The following NECAB3 variants were observed in gnomAD, a reference collection of about 807,000 sequenced individuals.
The protein encoded by NECAB3 is N-terminal EF-hand calcium binding protein 3, also known as N-terminal EF-hand calcium-binding protein 3.
In NECAB3, 38 loss-of-function variants were observed where a neutral mutation model predicts 57.2. That is an observed-to-expected ratio of 0.66 (90% CI 0.51 to 0.87). The LOEUF (loss-of-function observed/expected upper bound fraction) is 0.87, where lower values mean the gene tolerates loss of function less well. Ranked by LOEUF, NECAB3 falls within the 40% of genes least tolerant of loss-of-function variation. The pLI is 0.00. For synonymous variants in NECAB3, 223 were observed against 222.6 expected (o/e 1.00, Z -0.02); for missense variants, 474 against 527.5 (o/e 0.90, Z 0.99).
At position 33,657,444 on chromosome 20, in the gene NECAB3, A is replaced by G. The variant is rs59663712; in HGVS notation, c.*385T>C. The G allele has an allele frequency of 3.9e-3, 916 of 237,832 alleles. 10 individuals carry two copies. Among genetic ancestry groups the G allele is most frequent in the African/African-American group, 0.019 (833 of 44,994 alleles). The allele number at this position is 237,832 out of a possible 1,614,324, so 14.7% of individuals were successfully genotyped here. A position where few individuals can be genotyped will look rare whatever the true frequency, so the allele number is the denominator to read the frequency against. On this transcript the variant is annotated 3_prime_UTR_variant, in exon 12 of 12. Transcript: ENST00000246190. ...CTGCCGCTGGCTGAGGAGGAGCAGA[A>G]GCCTGGTCCCAAGACAGCAGGAAGA...
chr20:33,669,429 A>G lies in NECAB3; in HGVS notation c.333T>C (p.Ala111=), dbSNP rs1436876944. 6.2e-7 allele frequency: 1 copy of G among 1,613,762 alleles called. No homozygotes were observed. Among genetic ancestry groups the G allele is most frequent in the Admixed American group, 1.7e-5 (1 of 60,024 alleles). The part of the protein sequence containing the change: ...EHLGVYRPVL[A]ALESLNRAVL... ...CTGCACGGTTCAGCGATTCCAATGC[A>G]GCCAGCACCGGCCGGTAGACACCCA... is the stretch of plus-strand genomic sequence containing the variant. The change falls in exon 5 of 12, where the codon GCT becomes GCC. Residue 111 remains alanine, a synonymous_variant. Transcript: ENST00000246190.
chr20:33,664,022 C>T (rs1675193501), intron 5 of NECAB3: 4 of 619,722 alleles, frequency 6.5e-6, no homozygotes, highest in Non-Finnish European at 2.6e-6. Context: ...AGAGCCATCG[C>T]CACGGTCTGG....
At chr20:33,673,814 C>T (rs2017885909) in intron 1 of NECAB3, among the ~76,000 whole-genome samples, 1 of 152,148 alleles carries the variant, frequency 6.6e-6, no homozygotes. Context: ...CTGTAGGACT[C>T]TGCTGCCCTG....
At chr20:33,665,596 A>C (rs2017621997) in intron 5 of NECAB3, 1 of 152,342 alleles carries the variant, frequency 6.6e-6, no homozygotes, top group Admixed American at 6.5e-5. Flanking sequence ...CCTTTCAATA[A>C]AGTCCTTATT....
At chr20:33,668,302 T>C (rs1049660672) in intron 5 of NECAB3, 85 of 1,521,276 alleles carry the variant, frequency 5.6e-5, no homozygotes, top group Non-Finnish European at 7.2e-5. Context: ...AGTCAAGTGT[T>C]TGGAGCTGGC....
At chr20:33,665,761 G>A (rs1231754390) in intron 5 of NECAB3, 1 of 152,256 alleles carries the variant, frequency 6.6e-6, no homozygotes, top group East Asian at 1.9e-4. Context: ...ATCAAGACTT[G>A]CTTAGGACTG....
intron 2 of NECAB3, among the ~76,000 whole-genome samples, chr20:33,671,393 G>A (rs1387695890): frequency 6.6e-6 from 1 of 152,138 alleles, no homozygotes; most frequent in Non-Finnish European, 1.5e-5. Context: ...GCAGATGGGT[G>A]CGGGGAGCTG....
chr20:33,658,994 G>A (rs555439910), intron 8 of NECAB3, among the ~76,000 whole-genome samples, 160 bp from the exon 9 acceptor site: 5 of 152,154 alleles, frequency 3.3e-5, no homozygotes, highest in African/African-American at 7.2e-5. Flanking sequence ...GTGGGATCAC[G>A]GCTTACTGCA....
At position 33,662,229 on chromosome 20, in the gene NECAB3, C is replaced by T. The variant is rs560348217; in HGVS notation, c.388-1834G>A. ...AGATTCACCTGTGGGCCCTGGAAGG[C>T]GGTGCTCAGAGCCTGCAATTGGTGA... On this transcript the variant is annotated intron_variant, in intron 5 of 11. Coordinates refer to ENST00000246190, the MANE Select transcript of NECAB3 (RefSeq NM_031232.4). The T allele has an allele frequency of 1.3e-4, 172 of 1,365,920 alleles. 2 individuals carry two copies. In the South Asian group the frequency reaches 2.2e-3, roughly 17 times the overall value. The allele number at this position is 1,365,920 out of a possible 1,614,324, so 84.6% of individuals were successfully genotyped here. A position where few individuals can be genotyped will look rare whatever the true frequency, so the allele number is the denominator to read the frequency against.
chr20:33,659,987 C>T lies in NECAB3; in HGVS notation c.541G>A (p.Val181Met), dbSNP rs201950903. The part of the protein sequence containing the change: ...AHGWRSDAES[V>M]EAQSRLCGSR... ...CCGCAGAGCCTGCTCTGCGCCTCCACGCTCTCTGCATCTGACCTAGAGGAA... is the reference window on the plus strand; with the variant it reads ...CCGCAGAGCCTGCTCTGCGCCTCCATGCTCTCTGCATCTGACCTAGAGGAA... Residue 181 changes from valine to methionine, a missense_variant, in exon 7 of 12, where the codon GTG (valine) becomes ATG (methionine). Physicochemically the swap from Val to Met is conservative, Grantham distance 21 (BLOSUM62 1). Transcript: ENST00000246190. 6.2e-5 allele frequency: 97 copies of T among 1,572,184 alleles called. 1 individual carries two copies. The African/African-American group carries it at 7.0e-4, about 11-fold the overall frequency.
chr20:33,667,884 G>A (rs2017724639), intron 5 of NECAB3: 4 of 1,591,888 alleles, frequency 2.5e-6, no homozygotes, highest in Non-Finnish European at 3.4e-6. Flanking sequence ...CCATCTTCCA[G>A]CCGGGCCTGC....
chr20:33,667,244 ACCGGCCGGTGCTGCCCGGAGCG>A (rs1488301402), intron 5 of NECAB3: 7 of 400,048 alleles, frequency 1.7e-5, no homozygotes, highest in Non-Finnish European at 3.0e-5. Flanking sequence ...CCCAGCTGGG[ACCGGCCGGTGCTGCCCGGAGCG>A]CCGGGCTGCG....
intron 3 of NECAB3, chr20:33,670,407 G>A (rs2017804892): frequency 5.2e-6 from 2 of 384,858 alleles, no homozygotes; most frequent in African/African-American, 2.1e-5. Context: ...GCTGTCCCCA[G>A]GCATCCTCTG....
intron 5 of NECAB3, 99 bp downstream of exon 5, chr20:33,669,276 T>C (rs772759412): frequency 3.1e-6 from 4 of 1,286,538 alleles, no homozygotes; most frequent in Non-Finnish European, 3.3e-6. Context: ...CCCAAGCCCC[T>C]AGCTCTATAA....
chr20:33,663,202 G>A (rs1267145748), intron 5 of NECAB3, among the ~76,000 whole-genome samples: 5 of 152,240 alleles, frequency 3.3e-5, no homozygotes, highest in South Asian at 4.1e-4. Flanking sequence ...TGGACCAGGC[G>A]GGGGTGGGAG....
chr20:33,667,804 C>T (rs1485861335), intron 5 of NECAB3: 7 of 1,612,520 alleles, frequency 4.3e-6, no homozygotes, highest in Non-Finnish European at 8.5e-7. Context: ...CCGCCACCAT[C>T]CGGCCAGTTT....
intron 5 of NECAB3, among the ~76,000 whole-genome samples, chr20:33,665,774 C>T (rs2017628392): frequency 6.6e-6 from 1 of 152,158 alleles, no homozygotes; most frequent in Non-Finnish European, 1.5e-5. Context: ...TAGGACTGCA[C>T]AGTGAGTCAG....
At chr20:33,670,515 C>T (rs546985984) in intron 3 of NECAB3, 169 bp downstream of exon 3, 1 of 534,508 alleles carries the variant, frequency 1.9e-6, no homozygotes, top group African/African-American at 1.9e-5. Flanking sequence ...GTGGGCAAGG[C>T]TGTAGCTGGA....
At chr20:33,669,147 T>G in intron 5 of NECAB3, 1 of 551,284 alleles carries the variant, frequency 1.8e-6, no homozygotes, top group Non-Finnish European at 3.2e-6. Context: ...CCTGCCTTCG[T>G]TCTCACTGGT....
Sources: allele counts gnomAD v4.1 joint callset (sites outside exome capture counted in the v4.1 genomes callset), GRCh38; gene constraint gnomAD v4.1.1; transcripts MANE v1.5; gene names NCBI Gene and HGNC (gene_info 2026-07-23, HGNC 2026-07-21).